The following GPHN variants were observed in gnomAD, a reference collection of about 807,000 sequenced individuals.
GPHN encodes gephyrin.
Under a neutral mutation model 95.5 loss-of-function variants are expected in GPHN, and 17 were observed. The observed-to-expected ratio is 0.18, with a 90% CI of 0.12 to 0.27. The LOEUF (loss-of-function observed/expected upper bound fraction) is 0.27, where lower values mean the gene tolerates loss of function less well. Ranked by LOEUF, GPHN falls within the 10% of genes least tolerant of loss-of-function variation. The probability of loss-of-function intolerance (pLI) is 1.00; values close to 1 mark genes in which losing one functional copy is unlikely to be tolerated. For missense variants in GPHN, 660 were observed against 978.1 expected (o/e 0.67, Z 4.34); for synonymous variants, 320 against 322.5 (o/e 0.99, Z 0.08).
At chr14:66,760,944 G>C (rs1371755154) in intron 2 of GPHN, 1 of 792,624 alleles carries the variant, frequency 1.3e-6, no homozygotes, top group Non-Finnish European at 2.1e-6. Context: ...CTCTTTTGCA[G>C]GCAAAGGGAA....
chr14:67,051,253 G>C (rs2075294256), intron 10 of GPHN, among the ~76,000 whole-genome samples: 1 of 152,176 alleles, frequency 6.6e-6, no homozygotes, highest in African/African-American at 2.4e-5. Flanking sequence ...TGCCAGTTTA[G>C]AGAGGAAAAT....
chr14:67,303,664 T>A, the GPHN span: 9 of 1,117,760 alleles, frequency 8.1e-6, no homozygotes, highest in African/African-American at 1.5e-5. Flanking sequence ...TGTTACTGTT[T>A]ACTGTTACAG....
intron 1 of GPHN, among the ~76,000 whole-genome samples, chr14:66,618,841 A>G (rs1411577898): frequency 3.3e-5 from 5 of 152,218 alleles, no homozygotes; most frequent in Admixed American, 6.5e-5. Flanking sequence ...TTGTAACTAC[A>G]TGGAAGATGG....
At chr14:66,605,094 T>TCTAC (rs2062455811) in intron 1 of GPHN, among the ~76,000 whole-genome samples, 1 of 152,166 alleles carries the variant, frequency 6.6e-6, no homozygotes, top group African/African-American at 2.4e-5. Flanking sequence ...CTTTATCGAC[T>TCTAC]CTACCATCGA....
chr14:67,054,442 A>G (rs539148716), intron 10 of GPHN, among the ~76,000 whole-genome samples: 299 of 152,312 alleles, frequency 2.0e-3, no homozygotes, highest in African/African-American at 6.7e-3. Flanking sequence ...TGCTCAAGGA[A>G]ATCAGAGAGC....
the GPHN span, among the ~76,000 whole-genome samples, chr14:67,496,202 T>A: frequency 2.0e-5 from 3 of 152,138 alleles, no homozygotes; most frequent in Admixed American, 2.0e-4. Context: ...TTATTATTTT[T>A]AAAAATTTTG....
the GPHN span, among the ~76,000 whole-genome samples, chr14:67,621,425 A>G: frequency 6.6e-6 from 1 of 152,214 alleles, no homozygotes; most frequent in East Asian, 1.9e-4. Context: ...ATATAGAACT[A>G]ATAGGCTTAG....
the GPHN span, among the ~76,000 whole-genome samples, chr14:67,594,964 C>T: frequency 2.0e-5 from 3 of 151,776 alleles, no homozygotes; most frequent in Non-Finnish European, 2.9e-5. Context: ...GGTGAAACCC[C>T]GTCTCTACTA....
intron 1 of GPHN, among the ~76,000 whole-genome samples, chr14:66,595,266 C>A (rs1005559019): frequency 6.6e-6 from 1 of 152,162 alleles, no homozygotes; most frequent in African/African-American, 2.4e-5. Context: ...AGAAGTAGAA[C>A]TATCATGTCA....
the GPHN span, among the ~76,000 whole-genome samples, chr14:67,495,315 C>T: frequency 6.6e-6 from 1 of 152,218 alleles, no homozygotes; most frequent in Non-Finnish European, 1.5e-5. Context: ...CTCCTCCTCC[C>T]AGGATCAACA....
At chr14:67,658,246 A>AGATTT in the GPHN span, among the ~76,000 whole-genome samples, 1 of 152,252 alleles carries the variant, frequency 6.6e-6, no homozygotes, top group East Asian at 1.9e-4. Flanking sequence ...AACTTCAGAC[A>AGATTT]GATTTGGAAC....
chr14:67,309,154 G>A, the GPHN span, among the ~76,000 whole-genome samples: 1 of 152,150 alleles, frequency 6.6e-6, no homozygotes, highest in Non-Finnish European at 1.5e-5. Flanking sequence ...ATAGCATTAT[G>A]AGGCCCTGGA....
intron 21 of GPHN, among the ~76,000 whole-genome samples, chr14:67,179,225 T>A (rs28668348): frequency 0.32 from 47,935 of 151,408 alleles, 12,769 homozygotes; most frequent in African/African-American, 0.71. Flanking sequence ...TCTCTAAAAA[T>A]AAAAATAAAA....
At chr14:67,667,810 G>C in the GPHN span, among the ~76,000 whole-genome samples, 1 of 152,112 alleles carries the variant, frequency 6.6e-6, no homozygotes, top group Admixed American at 6.5e-5. Context: ...CCGGCGTGGT[G>C]GTGGGCGCCT....
At chr14:67,529,906 T>G in the GPHN span, among the ~76,000 whole-genome samples, 1 of 152,142 alleles carries the variant, frequency 6.6e-6, no homozygotes, top group Non-Finnish European at 1.5e-5. Context: ...CTTCCAACAG[T>G]AACTGAGAAC....
intron 11 of GPHN, among the ~76,000 whole-genome samples, chr14:67,070,715 A>T (rs12434971): frequency 0.21 from 16,469 of 78,138 alleles, 2,056 homozygotes; most frequent in Non-Finnish European, 0.24. Context: ...AAAAAAAAAA[A>T]ATATATATAT....
At chr14:67,124,518 T>C (rs1251898440) in intron 17 of GPHN, among the ~76,000 whole-genome samples, 1 of 152,160 alleles carries the variant, frequency 6.6e-6, no homozygotes, top group African/African-American at 2.4e-5. Flanking sequence ...ATACAAGTAC[T>C]TAAAAACTAT....
rs962909235 is a variant in GPHN at position 66,981,468 on chromosome 14, T to TA, written c.963+16153dup. On this transcript the variant is annotated intron_variant, in intron 9 of 22. Transcript: ENST00000478722. ...AATGTTGAGCTCTTAAGCAAAACTT[T>TA]AAAAAAAAAATCTCTTTCTCCAAAT... 1.8e-3 allele frequency among the ~76,000 whole-genome samples: 268 copies of TA among 150,448 alleles called. 6 individuals carry two copies. Among genetic ancestry groups the TA allele is most frequent in the East Asian group, 1.6e-3 (8 of 5,146 alleles).
chr14:67,391,390 TC>T, the GPHN span, among the ~76,000 whole-genome samples: 1,539 of 150,494 alleles, frequency 0.01, 15 homozygotes, highest in Non-Finnish European at 0.018. Flanking sequence ...TCAGAGTCCC[TC>T]CCACACCCTC....
Sources: gnomAD v4.1 joint callset for allele counts (sites outside exome capture counted in the v4.1 genomes callset) on GRCh38, gnomAD v4.1.1 for gene constraint, MANE v1.5 for transcripts, NCBI Gene and HGNC (gene_info 2026-07-23, HGNC 2026-07-21) for gene names.